Variants in MAP2K4 observed in about 807,000 individuals in gnomAD.
The protein encoded by MAP2K4 is mitogen-activated protein kinase kinase 4, also known as dual specificity mitogen-activated protein kinase kinase 4.
MAP2K4 carries 4 observed loss-of-function variants against 48.5 expected under a neutral mutation model. The ratio of observed to expected loss-of-function variants is 0.08; its 90% CI spans 0.04 to 0.19. The LOEUF is 0.19. MAP2K4 is among the 10% of genes least tolerant of loss of function. The probability of loss-of-function intolerance (pLI) is 1.00; values close to 1 mark genes in which losing one functional copy is unlikely to be tolerated. For missense variants in MAP2K4, 258 were observed against 493.3 expected (o/e 0.52, Z 4.52); for synonymous variants, 166 against 173.1 (o/e 0.96, Z 0.32).
intron 1 of MAP2K4, among the ~76,000 whole-genome samples, chr17:12,028,656 A>G (rs1434214740): frequency 2.6e-5 from 4 of 152,326 alleles, no homozygotes; most frequent in African/African-American, 4.8e-5. Flanking sequence ...GGCATGACCC[A>G]GTAAGGCAGC....
chr17:12,117,912 A>C (rs765455786), intron 7 of MAP2K4, among the ~76,000 whole-genome samples: 1 of 152,194 alleles, frequency 6.6e-6, no homozygotes, highest in Admixed American at 6.5e-5. Flanking sequence ...AAAACACCAC[A>C]TAATAGCTAA....
chr17:12,070,604 A>T (rs1361529494), intron 2 of MAP2K4, among the ~76,000 whole-genome samples: 1 of 152,250 alleles, frequency 6.6e-6, no homozygotes, highest in African/African-American at 2.4e-5. Context: ...GATTATTTGC[A>T]TGATAGATGC....
intron 1 of MAP2K4, among the ~76,000 whole-genome samples, chr17:12,022,283 T>C (rs1567619755): frequency 6.6e-6 from 1 of 152,170 alleles, no homozygotes; most frequent in Non-Finnish European, 1.5e-5. Flanking sequence ...TAAAAACCAG[T>C]GATAGATATA....
intron 7 of MAP2K4, among the ~76,000 whole-genome samples, 193 bp downstream of exon 7, chr17:12,113,553 T>G (rs1243838887): frequency 6.6e-6 from 1 of 152,226 alleles, no homozygotes; most frequent in Admixed American, 6.5e-5. Flanking sequence ...CTGTTTTCAT[T>G]GTCTTGCTTT....
chr17:12,042,698 G>A (rs964131572), intron 1 of MAP2K4, among the ~76,000 whole-genome samples: 3 of 151,938 alleles, frequency 2.0e-5, no homozygotes, highest in Non-Finnish European at 4.4e-5. Flanking sequence ...AAGGAAGGTA[G>A]ACTCTCTGAC....
chr17:12,066,594 A>G (rs553837365), intron 2 of MAP2K4, among the ~76,000 whole-genome samples: 53 of 152,036 alleles, frequency 3.5e-4, no homozygotes, highest in East Asian at 1.9e-4. Flanking sequence ...CTGTAGTGCA[A>G]TCTCAGCTCA....
At chr17:12,021,228 T>G in intron 1 of MAP2K4, 1 of 301,696 alleles carries the variant, frequency 3.3e-6, no homozygotes, top group Admixed American at 5.1e-5. Context: ...TGCCTGCGCT[T>G]GGCCCCTGGG....
At chr17:12,062,038 G>T (rs1970465317) in intron 2 of MAP2K4, among the ~76,000 whole-genome samples, 1 of 151,198 alleles carries the variant, frequency 6.6e-6, no homozygotes, top group East Asian at 1.9e-4. Flanking sequence ...TACATCAGTT[G>T]GTCACTCAGT....
intron 2 of MAP2K4, among the ~76,000 whole-genome samples, chr17:12,080,656 A>G (rs1180928764): frequency 6.6e-6 from 1 of 152,162 alleles, no homozygotes; most frequent in Admixed American, 6.5e-5. Context: ...TTTTCCTCTT[A>G]GAGCCAGCTA....
chr17:12,041,448 A>G (rs1227769866), intron 1 of MAP2K4, among the ~76,000 whole-genome samples: 1 of 152,216 alleles, frequency 6.6e-6, no homozygotes, highest in East Asian at 1.9e-4. Context: ...CAGTGCTGAA[A>G]TGGAAAGTTG....
intron 1 of MAP2K4, chr17:12,021,623 G>A (rs1969062604): frequency 7.3e-6 from 1 of 137,886 alleles, no homozygotes; most frequent in African/African-American, 2.6e-5. Flanking sequence ...ATGGGGGTGG[G>A]GGGCGGGTTG....
At position 12,081,857 on chromosome 17, in the gene MAP2K4, A is replaced by G. The variant is rs752294521; in HGVS notation, c.393+327A>G. On this transcript the variant is annotated intron_variant, in intron 3 of 10. Coordinates refer to ENST00000353533, the MANE Select transcript of MAP2K4 (RefSeq NM_003010.4). This position sits in a 1 kb window ranked among gnomAD's most constrained non-coding sequence, Gnocchi z 4.2. ...ACCCCTGGGAGCAGGGCAGTGCTGC[A>G]CTGAGCCAGGCGGGAGCTGGAAGAA... The G allele has an allele frequency of 3.7e-6, 2 of 536,992 alleles. No homozygotes were observed. Among genetic ancestry groups the G allele is most frequent in the South Asian group, 2.9e-5 (2 of 68,470 alleles). 33.3% of individuals were successfully genotyped at this position (536,992 alleles called of 1,614,324 possible). A position where few individuals can be genotyped will look rare whatever the true frequency, so the allele number is the denominator to read the frequency against.
chr17:12,122,402 G>C (rs539384114), intron 7 of MAP2K4, among the ~76,000 whole-genome samples: 94 of 152,310 alleles, frequency 6.2e-4, no homozygotes, highest in Non-Finnish European at 1.1e-3. Flanking sequence ...ACCGTGGCAA[G>C]ATAAACTTCT....
At position 12,034,104 on chromosome 17, in the gene MAP2K4, T is replaced by G. The variant is rs139012067; in HGVS notation, c.115+13103T>G. Among the ~76,000 whole-genome samples the G allele has an allele frequency of 3.4e-3, 521 of 152,342 alleles. 2 individuals carry two copies. The highest frequency in any genetic ancestry group is 6.6e-3 in the Non-Finnish European group (450 of 68,032). ...CACCTGGCCTGACTTTTTAAAAATT[T>G]TAAGTTGTACTCACATTATTGTTCT... On this transcript the variant is annotated intron_variant, in intron 1 of 10. Transcript: ENST00000353533.
chr17:12,112,025 C>T (rs989765096), intron 6 of MAP2K4, among the ~76,000 whole-genome samples: 2 of 152,172 alleles, frequency 1.3e-5, no homozygotes, highest in East Asian at 1.9e-4. Context: ...GGCTCATTCA[C>T]CAGAAGTGCC....
chr17:12,110,585 A>G (rs372400955), intron 6 of MAP2K4, 159 bp downstream of exon 6: 29 of 571,884 alleles, frequency 5.1e-5, no homozygotes, highest in Admixed American at 2.5e-4. Context: ...TATTACTGCT[A>G]TTTTTTTCTT....
intron 1 of MAP2K4, among the ~76,000 whole-genome samples, chr17:12,026,331 T>A (rs988817632): frequency 2.6e-5 from 4 of 152,272 alleles, no homozygotes; most frequent in African/African-American, 9.6e-5. Context: ...AGTTTCCTTA[T>A]TTTTAGGGGT....
At chr17:12,118,231 C>T (rs755872207) in intron 7 of MAP2K4, among the ~76,000 whole-genome samples, 1 of 152,054 alleles carries the variant, frequency 6.6e-6, no homozygotes, top group Non-Finnish European at 1.5e-5. Flanking sequence ...GATGAAACAT[C>T]ACTGTTTTGG....
intron 6 of MAP2K4, 159 bp downstream of exon 6, chr17:12,110,585 A>AT (rs1336714073): frequency 7.0e-6 from 4 of 571,766 alleles, no homozygotes; most frequent in Non-Finnish European, 1.2e-5. Context: ...TATTACTGCT[A>AT]TTTTTTTCTT....
Sources: gnomAD v4.1 joint callset for allele counts (sites outside exome capture counted in the v4.1 genomes callset) on GRCh38, gnomAD v4.1.1 for gene constraint, Gnocchi (gnomAD v3.1) non-coding constraint, MANE v1.5 for transcripts, NCBI Gene and HGNC (gene_info 2026-07-23, HGNC 2026-07-21) for gene names.